DIXDC1: variants seen among roughly 807,000 people sequenced by gnomAD.
DIXDC1 encodes the protein dixin.
A neutral mutation model predicts 103.1 loss-of-function variants in DIXDC1; 64 were observed. The ratio of observed to expected loss-of-function variants is 0.62; its 90% CI spans 0.51 to 0.76. The LOEUF (loss-of-function observed/expected upper bound fraction) is 0.76, where lower values mean the gene tolerates loss of function less well. DIXDC1 is among the 30% of genes least tolerant of loss of function. The pLI, the probability that DIXDC1 is intolerant of heterozygous loss-of-function variation, is 0.00. For missense variants in DIXDC1, 759 were observed against 834.2 expected, an observed-to-expected ratio of 0.91 and a Z score of 1.11; for synonymous variants, 266 against 298.5, an observed-to-expected ratio of 0.89 and a Z score of 1.12.
At chr11:111,973,464 A>G (rs1555172258) in intron 3 of DIXDC1, among the ~76,000 whole-genome samples, 1 of 152,232 alleles carries the variant, frequency 6.6e-6, no homozygotes, top group East Asian at 1.9e-4. Flanking sequence ...ATAAAAAGTT[A>G]TCGAGATATT....
In DIXDC1 at chr11:111,929,773, T is replaced by TC. The variant is rs1965954476; in HGVS notation, c.-36-45_-36-44insC. 6 of 1,352,548 alleles carry TC rather than the reference T, an allele frequency of 4.4e-6. No individual in the cohort carries two copies. In the East Asian group the frequency reaches 1.5e-4, roughly 34 times the overall value. The allele number at this position is 1,352,548 out of a possible 1,614,324, so 83.8% of individuals were successfully genotyped here. On this transcript the variant is annotated intron_variant, in intron 1 of 5. Transcript: ENST00000529225. Reference sequence around the variant, plus strand: ...GTTAGTTGAGCTTTAAATTTTTTTTTTCCTGGCTTGTTATTTTGTACATTT... The same window carrying TC: ...GTTAGTTGAGCTTTAAATTTTTTTTTCTCCTGGCTTGTTATTTTGTACATTT...
At chr11:112,007,994 A>C (rs183583926) in intron 17 of DIXDC1, among the ~76,000 whole-genome samples, 1 of 152,186 alleles carries the variant, frequency 6.6e-6, no homozygotes, top group African/African-American at 2.4e-5. Context: ...AAATGCCCCA[A>C]TGAAAAGTGA....
At chr11:112,002,011 C>T (rs1861083365) in intron 17 of DIXDC1, among the ~76,000 whole-genome samples, 1 of 152,072 alleles carries the variant, frequency 6.6e-6, no homozygotes, top group African/African-American at 2.4e-5. Context: ...CCCGCCTCGG[C>T]CTCCCAAAGT....
At chr11:111,988,066 A>T (rs1555174083) in intron 9 of DIXDC1, among the ~76,000 whole-genome samples, 3 of 151,112 alleles carry the variant, frequency 2.0e-5, no homozygotes, top group African/African-American at 7.3e-5. Flanking sequence ...TGGCACGATC[A>T]TGGCTAACTG....
chr11:111,987,591 A>G (rs994405812), intron 9 of DIXDC1, among the ~76,000 whole-genome samples: 1 of 151,928 alleles, frequency 6.6e-6, no homozygotes, highest in Non-Finnish European at 1.5e-5. Flanking sequence ...TCATAAGTCT[A>G]TGAGTAAAGA....
rs1231569714 is a variant in DIXDC1 at position 111,983,381 on chromosome 11, G to A, written c.918+894G>A. On this transcript the variant is annotated intron_variant, in intron 7 of 19. Coordinates refer to ENST00000440460, the MANE Select transcript of DIXDC1 (RefSeq NM_001037954.4). ...GATTGGTGCTGTGGCAAAGCAATTT[G>A]CATAACGTATGCCCCAGGAACTGAG... Among the ~76,000 whole-genome samples the A allele has an allele frequency of 6.6e-5, 10 of 152,302 alleles. No individual in the cohort carries two copies. In the East Asian group the frequency reaches 1.7e-3, roughly 26 times the overall value.
chr11:112,017,027 C>G lies in DIXDC1; in HGVS notation c.1862+231C>G, dbSNP rs1861611390. Among the ~76,000 whole-genome samples the G allele has an allele frequency of 6.6e-6, 1 of 151,764 alleles. No homozygotes were observed. Among genetic ancestry groups the G allele is most frequent in the African/African-American group, 2.4e-5 (1 of 41,326 alleles). On this transcript the variant is annotated intron_variant, in intron 18 of 19. Transcript: ENST00000440460. This position sits in a 1 kb window ranked among gnomAD's most constrained non-coding sequence, Gnocchi z 4.0. Reference sequence around the variant, plus strand: ...ACTAGATACAGGTACAATAATAGTACTTCCAATCCTGATAACTATGCAAAT... The same window carrying G: ...ACTAGATACAGGTACAATAATAGTAGTTCCAATCCTGATAACTATGCAAAT...
intron 1 of DIXDC1, among the ~76,000 whole-genome samples, chr11:111,929,451 T>C (rs587627624): frequency 7.3e-4 from 111 of 151,888 alleles, no homozygotes; most frequent in African/African-American, 2.5e-3. Flanking sequence ...GGTGTGGTGG[T>C]GCACACCTGT....
At chr11:111,996,901 A>C (rs1166546780) in intron 17 of DIXDC1, among the ~76,000 whole-genome samples, 2 of 152,176 alleles carry the variant, frequency 1.3e-5, no homozygotes, top group African/African-American at 2.4e-5. Flanking sequence ...AAGTCCTGCA[A>C]AATGTTTGCA....
chr11:111,965,963 A>T (rs978813302), intron 2 of DIXDC1, among the ~76,000 whole-genome samples: 1 of 152,166 alleles, frequency 6.6e-6, no homozygotes, highest in Non-Finnish European at 1.5e-5. Context: ...TGAATAGGTT[A>T]TACATGGACT....
Position 112,019,182 on chromosome 11 carries a change from C to T in DIXDC1, c.*146C>T. ...TTCTCCAAGCATGATGGCCACAGGT[C>T]AGTCCTCTTTCTGTGCCTGGCATAT... On this transcript the variant is annotated 3_prime_UTR_variant, in exon 20 of 20. Transcript: ENST00000440460. 1 of 609,874 alleles carries T rather than the reference C, an allele frequency of 1.6e-6. No homozygotes were observed. The highest frequency in any genetic ancestry group is 1.8e-5 in the African/African-American group (1 of 54,170). The allele number at this position is 609,874 out of a possible 1,614,324, so 37.8% of individuals were successfully genotyped here. A position where few individuals can be genotyped will look rare whatever the true frequency, so the allele number is the denominator to read the frequency against.
At chr11:111,930,034 T>TC in intron 2 of DIXDC1, 1 of 786,680 alleles carries the variant, frequency 1.3e-6, no homozygotes, top group Non-Finnish European at 1.8e-6. Context: ...TATATTTGTC[T>TC]TTTTTTTTGC....
In DIXDC1 at chr11:112,019,909, T is replaced by C. The variant is rs1555178242; in HGVS notation, c.*873T>C. 6.6e-6 allele frequency: 1 copy of C among 152,248 alleles called. No individual in the cohort carries two copies. The highest frequency in any genetic ancestry group is 1.5e-5 in the Non-Finnish European group (1 of 68,048). 9.4% of individuals were successfully genotyped at this position (152,248 alleles called of 1,614,324 possible). On this transcript the variant is annotated 3_prime_UTR_variant, in exon 20 of 20. Coordinates refer to ENST00000440460, the MANE Select transcript of DIXDC1 (RefSeq NM_001037954.4). ...TTTGACTTTCTTTGTTTCATGACTT[T>C]AACTCATGGCATCTCCTTTGTAGTA...
intron 17 of DIXDC1, chr11:111,996,437 T>C (rs1555175416): frequency 4.2e-6 from 1 of 238,560 alleles, no homozygotes; most frequent in African/African-American, 2.3e-5. Flanking sequence ...AAAAGCAAAA[T>C]ATAAAACAAC....
intron 17 of DIXDC1, among the ~76,000 whole-genome samples, chr11:111,999,616 G>A (rs1438109854): frequency 6.6e-6 from 1 of 152,204 alleles, no homozygotes; most frequent in East Asian, 1.9e-4. Context: ...TGTAATCCCA[G>A]CACTTTGGGA....
intron 2 of DIXDC1, among the ~76,000 whole-genome samples, chr11:111,966,775 CT>C (rs1354077465): frequency 6.6e-6 from 1 of 152,190 alleles, no homozygotes; most frequent in Non-Finnish European, 1.5e-5. Flanking sequence ...AAGATTTTGC[CT>C]ATATTCACTG....
At chr11:111,992,616 C>A in intron 11 of DIXDC1, 97 bp downstream of exon 11, 1 of 1,105,202 alleles carries the variant, frequency 9.0e-7, no homozygotes, top group Non-Finnish European at 1.3e-6. Flanking sequence ...AATCTCTTAT[C>A]TTGCTTCTGG....
chr11:111,949,337 T>G (rs587640760), intron 1 of DIXDC1, among the ~76,000 whole-genome samples: 1 of 152,314 alleles, frequency 6.6e-6, no homozygotes, highest in South Asian at 2.1e-4. Flanking sequence ...CATTGACTTT[T>G]CCCAGTGCTT....
chr11:111,985,033 A>G (rs1008806865), intron 7 of DIXDC1, among the ~76,000 whole-genome samples, 199 bp from the exon 8 acceptor site: 2 of 152,220 alleles, frequency 1.3e-5, no homozygotes, highest in Non-Finnish European at 2.9e-5. Context: ...GAGAGCTGAA[A>G]GAGCCAGAGC....
Sources: gnomAD v4.1 joint callset for allele counts (sites outside exome capture counted in the v4.1 genomes callset) on GRCh38, gnomAD v4.1.1 for gene constraint, Gnocchi (gnomAD v3.1) non-coding constraint, MANE v1.5 for transcripts, NCBI Gene and HGNC (gene_info 2026-07-23, HGNC 2026-07-21) for gene names.